RUNDC3B: variants seen among roughly 807,000 people sequenced by gnomAD.
RUNDC3B encodes the protein RUN domain containing 3B, also known as RUN domain-containing protein 3B.
In RUNDC3B, 33 loss-of-function variants were observed where a neutral mutation model predicts 58.4. The ratio of observed to expected loss-of-function variants is 0.56; its 90% CI spans 0.43 to 0.75. The LOEUF (loss-of-function observed/expected upper bound fraction) is 0.75. Among genes scored for constraint, RUNDC3B ranks in the 30% least tolerant of loss-of-function variants. The probability of loss-of-function intolerance (pLI) is 0.00; values close to 1 mark genes in which losing one functional copy is unlikely to be tolerated. For missense variants in RUNDC3B, 501 were observed against 535.7 expected (o/e 0.94, Z 0.64); for synonymous variants, 193 against 195.2 (o/e 0.99, Z 0.10).
intron 6 of RUNDC3B, among the ~76,000 whole-genome samples, chr7:87,762,194 C>G (rs987467863): frequency 6.6e-6 from 1 of 151,540 alleles, no homozygotes; most frequent in African/African-American, 2.4e-5. Flanking sequence ...GTAAATGTAT[C>G]ACATGCTTTT....
At chr7:87,640,553 C>A (rs1822337074) in intron 1 of RUNDC3B, among the ~76,000 whole-genome samples, 1 of 152,154 alleles carries the variant, frequency 6.6e-6, no homozygotes. Context: ...CTATGTTGCC[C>A]AGGGTGGTCT....
intron 4 of RUNDC3B, among the ~76,000 whole-genome samples, chr7:87,721,241 T>C (rs190511081): frequency 6.6e-6 from 1 of 151,878 alleles, no homozygotes; most frequent in Non-Finnish European, 1.5e-5. Flanking sequence ...TGGGAGGAGA[T>C]AATAAAACAT....
chr7:87,774,744 A>G (rs1325029514), intron 7 of RUNDC3B, among the ~76,000 whole-genome samples: 2 of 152,194 alleles, frequency 1.3e-5, no homozygotes, highest in Non-Finnish European at 2.9e-5. Context: ...TCTACCAAAT[A>G]TAGTCATGCA....
intron 8 of RUNDC3B, among the ~76,000 whole-genome samples, chr7:87,804,799 C>G (rs1836354153): frequency 6.6e-6 from 1 of 152,110 alleles, no homozygotes; most frequent in Non-Finnish European, 1.5e-5. Context: ...ACCTTTATCA[C>G]TGATTTAATA....
At chr7:87,828,460 GATT>G (rs1837957091) in intron 10 of RUNDC3B, among the ~76,000 whole-genome samples, 1 of 152,080 alleles carries the variant, frequency 6.6e-6, no homozygotes, top group Non-Finnish European at 1.5e-5. Context: ...ACTTATAAGA[GATT>G]ATATGTGGTA....
chr7:87,647,331 T>A (rs1823109910), intron 1 of RUNDC3B, among the ~76,000 whole-genome samples: 1 of 152,202 alleles, frequency 6.6e-6, no homozygotes, highest in Non-Finnish European at 1.5e-5. Flanking sequence ...TTTGTCTTTT[T>A]TATTAAAAAT....
chr7:87,740,697 T>C (rs1421753320), intron 5 of RUNDC3B, among the ~76,000 whole-genome samples: 1 of 152,194 alleles, frequency 6.6e-6, no homozygotes, highest in Non-Finnish European at 1.5e-5. Flanking sequence ...CACTTCCTTT[T>C]CTAAATATTT....
At chr7:87,661,778 T>TA (rs1824739349) in intron 2 of RUNDC3B, among the ~76,000 whole-genome samples, 1 of 152,010 alleles carries the variant, frequency 6.6e-6, no homozygotes. Context: ...AGCACTGGGA[T>TA]AGCTGGATCA....
chr7:87,670,953 G>A (rs1332931973), intron 2 of RUNDC3B, among the ~76,000 whole-genome samples: 1 of 152,072 alleles, frequency 6.6e-6, no homozygotes, highest in Non-Finnish European at 1.5e-5. Context: ...GCTGCCCACT[G>A]CAGCTTTGGG....
rs966426799 is a variant in RUNDC3B at position 87,710,723 on chromosome 7, T to C, written c.458+68T>C. The C allele has an allele frequency of 7.1e-6, 6 of 847,522 alleles. No homozygotes were observed. In the East Asian group the frequency reaches 1.6e-4, roughly 22 times the overall value. 52.5% of individuals were successfully genotyped at this position (847,522 alleles called of 1,614,324 possible). ...TCACCTGAAGACTCAGAAATCAGAA[T>C]AGGATGAAGAATCAATTTCTAAAAT... On this transcript the variant is annotated intron_variant, in intron 4 of 10. Coordinates refer to ENST00000394654, the MANE Select transcript of RUNDC3B (RefSeq NM_001134405.2).
intron 10 of RUNDC3B, among the ~76,000 whole-genome samples, chr7:87,827,442 G>A (rs1388720683): frequency 1.3e-5 from 2 of 152,132 alleles, no homozygotes; most frequent in Non-Finnish European, 2.9e-5. Flanking sequence ...AGCTGAGACT[G>A]CGCCACTGCA....
At chr7:87,761,705 C>A (rs1276677623) in intron 6 of RUNDC3B, among the ~76,000 whole-genome samples, 2 of 151,798 alleles carry the variant, frequency 1.3e-5, no homozygotes, top group Non-Finnish European at 3.0e-5. Context: ...AGGTGAAAGG[C>A]GTCAAACACA....
intron 5 of RUNDC3B, among the ~76,000 whole-genome samples, chr7:87,740,907 G>A (rs1301090979): frequency 6.6e-6 from 1 of 151,764 alleles, no homozygotes; most frequent in Non-Finnish European, 1.5e-5. Context: ...TTGTTTTATT[G>A]TTTTAAAAAA....
At chr7:87,721,787 C>G (rs1830906386) in intron 4 of RUNDC3B, among the ~76,000 whole-genome samples, 2 of 151,826 alleles carry the variant, frequency 1.3e-5, no homozygotes, top group South Asian at 4.1e-4. Flanking sequence ...CTCTCTCTCT[C>G]TCTCTGTCTC....
At chr7:87,802,434 TATGAG>T (rs1442570705) in intron 8 of RUNDC3B, among the ~76,000 whole-genome samples, 2 of 151,842 alleles carry the variant, frequency 1.3e-5, no homozygotes, top group African/African-American at 2.4e-5. Flanking sequence ...ATATGAGTCT[TATGAG>T]GGAGGGAAAG....
At chr7:87,823,859 C>G (rs528829377) in intron 10 of RUNDC3B, among the ~76,000 whole-genome samples, 31 of 151,720 alleles carry the variant, frequency 2.0e-4, no homozygotes, top group Non-Finnish European at 4.0e-4. Context: ...TACATACATA[C>G]ATACCAGTTT....
chr7:87,785,698 C>T (rs1249279715), intron 8 of RUNDC3B, among the ~76,000 whole-genome samples: 4 of 152,158 alleles, frequency 2.6e-5, no homozygotes, highest in African/African-American at 9.7e-5. Flanking sequence ...TTTCTCCTGG[C>T]TCTGCAGTCA....
intron 1 of RUNDC3B, among the ~76,000 whole-genome samples, chr7:87,643,893 CTT>C (rs1428745897): frequency 6.6e-6 from 1 of 150,426 alleles, no homozygotes; most frequent in Non-Finnish European, 1.5e-5. Context: ...TGTTTCCGCT[CTT>C]TCACCCAGGC....
chr7:87,801,524 G>A (rs1836154883), intron 8 of RUNDC3B, among the ~76,000 whole-genome samples: 2 of 152,096 alleles, frequency 1.3e-5, no homozygotes, highest in African/African-American at 4.8e-5. Flanking sequence ...TTGGGTGGCT[G>A]AGGTGGGTGG....
Sources: gnomAD v4.1 joint callset for allele counts (sites outside exome capture counted in the v4.1 genomes callset) on GRCh38, gnomAD v4.1.1 for gene constraint, MANE v1.5 for transcripts, NCBI Gene and HGNC (gene_info 2026-07-23, HGNC 2026-07-21) for gene names.